Variants in EYA2 observed in about 807,000 individuals in gnomAD.
EYA2 encodes protein phosphatase EYA2.
Under a neutral mutation model 69.2 loss-of-function variants are expected in EYA2, and 31 were observed. The observed-to-expected ratio is 0.45, with a 90% CI of 0.34 to 0.60. The LOEUF is 0.60. Ranked by LOEUF, EYA2 falls within the 20% of genes least tolerant of loss-of-function variation. The pLI, the probability that EYA2 is intolerant of heterozygous loss-of-function variation, is 0.02. For synonymous variants in EYA2, 257 were observed against 279.4 expected (o/e 0.92, Z 0.80); for missense variants, 622 against 701.2 (o/e 0.89, Z 1.28).
At chr20:46,899,919 A>G (rs1984009748) in intron 1 of EYA2, among the ~76,000 whole-genome samples, 1 of 152,242 alleles carries the variant, frequency 6.6e-6, no homozygotes, top group Non-Finnish European at 1.5e-5. Flanking sequence ...AGATATATGC[A>G]GAAATCTAAA....
At chr20:47,157,548 TC>T (rs139298104) in intron 10 of EYA2, among the ~76,000 whole-genome samples, 2,738 of 151,554 alleles carry the variant, frequency 0.018, 78 homozygotes, top group African/African-American at 0.06. Flanking sequence ...AAGAGAGAGA[TC>T]AATAAACAAC....
intron 9 of EYA2, among the ~76,000 whole-genome samples, chr20:47,135,839 A>AC (rs1242048948): frequency 3.8e-5 from 3 of 78,324 alleles, no homozygotes; most frequent in African/African-American, 3.1e-4. Context: ...AAAAAAAAAA[A>AC]AACAAACAAA....
At chr20:47,083,569 G>A (rs1042970547) in intron 7 of EYA2, among the ~76,000 whole-genome samples, 22 of 94,198 alleles carry the variant, frequency 2.3e-4, no homozygotes, top group Middle Eastern at 8.2e-3. Flanking sequence ...CAGAGCAAGA[G>A]TCCATCTCAA....
intron 7 of EYA2, among the ~76,000 whole-genome samples, chr20:47,078,318 TGCGCGCGCGCGC>T (rs141520850): frequency 4.6e-5 from 6 of 130,286 alleles, no homozygotes; most frequent in African/African-American, 1.6e-4. Flanking sequence ...CATGTGCACG[TGCGCGCGCGCGC>T]GCACACACAC....
intron 1 of EYA2, among the ~76,000 whole-genome samples, chr20:46,959,096 T>C (rs887314103): frequency 1.3e-5 from 2 of 152,252 alleles, no homozygotes; most frequent in African/African-American, 4.8e-5. Flanking sequence ...TTTCTGTCTT[T>C]AGGACTTTGA....
chr20:47,127,861 C>T (rs936747039), intron 9 of EYA2, among the ~76,000 whole-genome samples: 2 of 152,234 alleles, frequency 1.3e-5, no homozygotes, highest in African/African-American at 4.8e-5. Context: ...TGGCATCCCA[C>T]CTGCAAGACC....
chr20:46,991,968 C>CCAAA (rs1981692145), intron 2 of EYA2, among the ~76,000 whole-genome samples: 1 of 79,274 alleles, frequency 1.3e-5, no homozygotes, highest in Non-Finnish European at 2.4e-5. Context: ...GACTCCGTCT[C>CCAAA]AAAAAAAAAA....
intron 4 of EYA2, among the ~76,000 whole-genome samples, chr20:47,006,324 G>T (rs1982711664): frequency 6.6e-6 from 1 of 152,190 alleles, no homozygotes; most frequent in African/African-American, 2.4e-5. Context: ...AGGCAGGGGT[G>T]GTTCACAAAG....
intron 10 of EYA2, among the ~76,000 whole-genome samples, chr20:47,158,913 A>T (rs1337818063): frequency 6.6e-6 from 1 of 152,022 alleles, no homozygotes; most frequent in Non-Finnish European, 1.5e-5. Flanking sequence ...AATAAATAAA[A>T]AGGAGAGCAA....
At chr20:47,152,003 TTAAG>T (rs1317442829) in intron 10 of EYA2, among the ~76,000 whole-genome samples, 1 of 152,030 alleles carries the variant, frequency 6.6e-6, no homozygotes, top group African/African-American at 2.4e-5. Context: ...TTATTAGAAA[TTAAG>T]TAGGTTAACG....
chr20:47,007,926 C>T (rs1048839759), intron 4 of EYA2, among the ~76,000 whole-genome samples: 2 of 152,098 alleles, frequency 1.3e-5, no homozygotes, highest in Non-Finnish European at 2.9e-5. Flanking sequence ...CCATGCCCAG[C>T]CTAGGTTTTA....
intron 7 of EYA2, among the ~76,000 whole-genome samples, chr20:47,076,637 G>A (rs2031529193): frequency 6.6e-6 from 1 of 152,130 alleles, no homozygotes; most frequent in African/African-American, 2.4e-5. Flanking sequence ...AAAAGACATA[G>A]AAAATCCAAT....
At chr20:46,897,943 T>C (rs2146206780) in intron 1 of EYA2, among the ~76,000 whole-genome samples, 1 of 152,214 alleles carries the variant, frequency 6.6e-6, no homozygotes, top group Non-Finnish European at 1.5e-5. Context: ...TGTGTGTGTG[T>C]GCAAAGGCTT....
At chr20:47,029,335 G>A (rs1261498839) in intron 5 of EYA2, among the ~76,000 whole-genome samples, 2 of 152,236 alleles carry the variant, frequency 1.3e-5, no homozygotes, top group Non-Finnish European at 2.9e-5. Flanking sequence ...TCGAAGACAT[G>A]CTGTGGCAAC....
chr20:46,919,004 A>G (rs1985057436), intron 1 of EYA2, among the ~76,000 whole-genome samples: 1 of 152,254 alleles, frequency 6.6e-6, no homozygotes, highest in Admixed American at 6.5e-5. Flanking sequence ...TGTTGTGAGC[A>G]GTATTATTTT....
At chr20:47,036,786 G>C (rs937111156) in intron 5 of EYA2, among the ~76,000 whole-genome samples, 5 of 152,056 alleles carry the variant, frequency 3.3e-5, no homozygotes, top group Non-Finnish European at 5.9e-5. Flanking sequence ...CCAAGTACAG[G>C]GGTTCAGAAT....
At chr20:47,080,455 A>T (rs2031671043) in intron 7 of EYA2, among the ~76,000 whole-genome samples, 1 of 87,918 alleles carries the variant, frequency 1.1e-5, no homozygotes, top group Non-Finnish European at 2.3e-5. Flanking sequence ...GGAGGGAGGG[A>T]AATGAGGGAG....
intron 11 of EYA2, among the ~76,000 whole-genome samples, chr20:47,171,954 G>A (rs1342649167): frequency 6.6e-6 from 1 of 151,858 alleles, no homozygotes; most frequent in South Asian, 2.1e-4. Flanking sequence ...TTACCTGGGT[G>A]TGGTGGAGGG....
chr20:47,182,775 A>C (rs545510908), intron 14 of EYA2, among the ~76,000 whole-genome samples: 1 of 152,018 alleles, frequency 6.6e-6, no homozygotes, highest in Admixed American at 6.5e-5. Context: ...ATCTCTACTA[A>C]AAAATACAAA....
Sources: allele counts gnomAD v4.1 joint callset (sites outside exome capture counted in the v4.1 genomes callset), GRCh38; gene constraint gnomAD v4.1.1; transcripts MANE v1.5; gene names NCBI Gene and HGNC (gene_info 2026-07-23, HGNC 2026-07-21).